Variants in CCDC7 observed in about 807,000 individuals in gnomAD.
The protein encoded by CCDC7 is coiled-coil domain-containing protein 7.
Under a neutral mutation model 196.9 loss-of-function variants are expected in CCDC7, and 183 were observed. That is an observed-to-expected ratio of 0.93 (90% CI 0.82 to 1.05). CCDC7 has a LOEUF of 1.05. Among genes scored for constraint, CCDC7 ranks in the 50% least tolerant of loss-of-function variants. The probability of loss-of-function intolerance (pLI) is 0.00; values close to 1 mark genes in which losing one functional copy is unlikely to be tolerated. For missense variants in CCDC7, 1,540 were observed against 1,482.2 expected, an observed-to-expected ratio of 1.04 and a Z score of -0.64; for synonymous variants, 525 against 484.6, an observed-to-expected ratio of 1.08 and a Z score of -1.10.
intron 20 of CCDC7, among the ~76,000 whole-genome samples, chr10:32,638,419 T>C (rs1453863665): frequency 6.6e-6 from 1 of 152,172 alleles, no homozygotes; most frequent in Non-Finnish European, 1.5e-5. Flanking sequence ...ATACCTAATG[T>C]ATTGAGAGTT....
intron 12 of CCDC7, 100 bp downstream of exon 13, chr10:32,543,485 A>ATCT: frequency 9.3e-7 from 1 of 1,078,398 alleles, no homozygotes; most frequent in Non-Finnish European, 1.2e-6. Flanking sequence ...CTTATGAATA[A>ATCT]TCTTTTAAAA....
At chr10:32,623,100 T>C (rs971109536) in intron 18 of CCDC7, among the ~76,000 whole-genome samples, 6 of 152,150 alleles carry the variant, frequency 3.9e-5, no homozygotes, top group African/African-American at 7.2e-5. Flanking sequence ...AATGTTGATT[T>C]TGTTAACTTT....
intron 40 of CCDC7, among the ~76,000 whole-genome samples, chr10:32,853,065 A>G (rs2093622626): frequency 1.3e-5 from 2 of 152,124 alleles, no homozygotes; most frequent in South Asian, 4.1e-4. Context: ...TATATTTTAG[A>G]TAAATGTAAT....
intron 3 of CCDC7, 68 bp from the exon 5 acceptor site, chr10:32,462,615 T>C: frequency 8.3e-7 from 1 of 1,207,694 alleles, no homozygotes; most frequent in Non-Finnish European, 1.1e-6. Context: ...AAGACTGAAC[T>C]AAATATTATA....
At chr10:32,538,844 T>C (rs563999574) in intron 11 of CCDC7, among the ~76,000 whole-genome samples, 53 of 152,336 alleles carry the variant, frequency 3.5e-4, no homozygotes, top group African/African-American at 1.1e-3. Flanking sequence ...TATTTGATCA[T>C]GGCGGATTAC....
At chr10:32,448,304 A>G (rs930906039), upstream of CCDC7, among the ~76,000 whole-genome samples, 2 of 151,686 alleles carry the variant, frequency 1.3e-5, no homozygotes, top group African/African-American at 4.8e-5. Flanking sequence ...CATATATATT[A>G]TATATTTTTA....
intron 20 of CCDC7, among the ~76,000 whole-genome samples, chr10:32,647,830 A>G (rs1415616549): frequency 1.3e-5 from 2 of 152,334 alleles, no homozygotes; most frequent in South Asian, 2.1e-4. Context: ...TCTTTAGTTT[A>G]ATTAAATCCT....
At chr10:32,564,416 G>C (rs1261441105) in intron 13 of CCDC7, among the ~76,000 whole-genome samples, 1 of 152,270 alleles carries the variant, frequency 6.6e-6, no homozygotes, top group East Asian at 1.9e-4. Flanking sequence ...GTCCAACAAC[G>C]ATAGACTGGA....
At chr10:32,643,170 T>C (rs1426861929) in intron 20 of CCDC7, among the ~76,000 whole-genome samples, 1 of 152,216 alleles carries the variant, frequency 6.6e-6, no homozygotes, top group African/African-American at 2.4e-5. Context: ...TTTTGTCTTC[T>C]TTTTAAATGC....
At chr10:32,660,807 C>G (rs1235011759) in intron 20 of CCDC7, among the ~76,000 whole-genome samples, 2 of 150,266 alleles carry the variant, frequency 1.3e-5, no homozygotes, top group Non-Finnish European at 3.0e-5. Flanking sequence ...TTCCTTACAC[C>G]TTATACAAAA....
chr10:32,614,092 G>A (rs1257778625), intron 18 of CCDC7, among the ~76,000 whole-genome samples: 1 of 152,126 alleles, frequency 6.6e-6, no homozygotes, highest in Non-Finnish European at 1.5e-5. Flanking sequence ...GGGTGTTCCT[G>A]TATTGGGTGA....
At chr10:32,659,963 C>A (rs72782247) in intron 20 of CCDC7, among the ~76,000 whole-genome samples, 8 of 152,074 alleles carry the variant, frequency 5.3e-5, no homozygotes, top group Non-Finnish European at 7.4e-5. Flanking sequence ...GCCCAGCAAT[C>A]CCGTTACTGG....
At chr10:32,493,500 G>T (rs2042450784) in intron 9 of CCDC7, among the ~76,000 whole-genome samples, 2 of 151,634 alleles carry the variant, frequency 1.3e-5, no homozygotes, top group African/African-American at 4.8e-5. Context: ...GTGAACATGG[G>T]AGTATGGGTA....
chr10:32,640,923 G>A (rs535491793), intron 20 of CCDC7, among the ~76,000 whole-genome samples: 1 of 114,488 alleles, frequency 8.7e-6, no homozygotes, highest in East Asian at 3.4e-4. Context: ...TGTGCACATT[G>A]TGCAGGTTAG....
intron 13 of CCDC7, among the ~76,000 whole-genome samples, chr10:32,553,311 T>G (rs2053794908): frequency 6.6e-6 from 1 of 152,098 alleles, no homozygotes. Flanking sequence ...TCTTGAGTAT[T>G]TCTCCCTTCA....
At chr10:32,613,252 G>A (rs990281010) in intron 18 of CCDC7, among the ~76,000 whole-genome samples, 1 of 152,004 alleles carries the variant, frequency 6.6e-6, no homozygotes, top group African/African-American at 2.4e-5. Context: ...ATATTTTTGT[G>A]GGATTGGTGG....
intron 13 of CCDC7, among the ~76,000 whole-genome samples, chr10:32,559,756 G>T (rs2055093142): frequency 6.6e-6 from 1 of 152,200 alleles, no homozygotes; most frequent in African/African-American, 2.4e-5. Context: ...ACTCTAAAAA[G>T]CAGAGCACCT....
chr10:32,604,773 T>C (rs2061403386), intron 18 of CCDC7, among the ~76,000 whole-genome samples: 1 of 152,182 alleles, frequency 6.6e-6, no homozygotes, highest in African/African-American at 2.4e-5. Context: ...ATGTTGACTT[T>C]GTATGCCATA....
chr10:32,707,970 A>G (rs984747503), intron 24 of CCDC7, among the ~76,000 whole-genome samples: 1 of 152,188 alleles, frequency 6.6e-6, no homozygotes, highest in African/African-American at 2.4e-5. Flanking sequence ...GGAAAAAACT[A>G]CTTTAAAGTT....
Sources: allele counts gnomAD v4.1 joint callset (sites outside exome capture counted in the v4.1 genomes callset), GRCh38; gene constraint gnomAD v4.1.1; transcripts MANE v1.5; gene names NCBI Gene and HGNC (gene_info 2026-07-23, HGNC 2026-07-21).